DLGAP2: variants seen among roughly 807,000 people sequenced by gnomAD.
DLGAP2 encodes the protein disks large-associated protein 2.
DLGAP2 carries 26 observed loss-of-function variants against 100.3 expected under a neutral mutation model. The observed-to-expected ratio is 0.26, with a 90% CI of 0.19 to 0.36. DLGAP2 has a LOEUF of 0.36. Ranked by LOEUF, DLGAP2 falls within the 10% of genes least tolerant of loss-of-function variation. The pLI, the probability that DLGAP2 is intolerant of heterozygous loss-of-function variation, is 1.00. For missense variants in DLGAP2, 1,858 were observed against 1,453.2 expected (o/e 1.28, Z -4.53); for synonymous variants, 886 against 630.1 (o/e 1.41, Z -6.08).
At chr8:1,124,360 C>G (rs541212857) in intron 2 of DLGAP2, among the ~76,000 whole-genome samples, 21 of 152,320 alleles carry the variant, frequency 1.4e-4, no homozygotes, top group Admixed American at 1.3e-3. Context: ...ACTCCTCTCT[C>G]AGGGACCTCA....
Position 756,068 on chromosome 8 carries a change from C to A in DLGAP2, c.18+18243C>A, listed in dbSNP as rs75146631. 6.8e-3 allele frequency among the ~76,000 whole-genome samples: 1,031 copies of A among 152,178 alleles called. 6 individuals carry two copies. The highest frequency in any genetic ancestry group is 0.024 in the African/African-American group (993 of 41,506). ...GCAGTTAGGGGCCAGGCTGTGAGGG[C>A]CTTTTAGGTCATGTTAGCGGCTTTT... is the stretch of plus-strand genomic sequence containing the variant. On this transcript the variant is annotated intron_variant, in intron 1 of 14. Transcript: ENST00000637795.
chr8:1,309,252 G>C (rs1285821708), intron 3 of DLGAP2, among the ~76,000 whole-genome samples: 1 of 152,100 alleles, frequency 6.6e-6, no homozygotes, highest in Admixed American at 6.5e-5. Context: ...AATCCAAGAA[G>C]CATAATGAAC....
intron 1 of DLGAP2, among the ~76,000 whole-genome samples, chr8:903,495 C>T (rs115436420): frequency 6.6e-6 from 1 of 151,762 alleles, no homozygotes; most frequent in Non-Finnish European, 1.5e-5. Flanking sequence ...CTAGTAACGA[C>T]GGTCACCATC....
At chr8:1,390,984 C>G (rs1026056183) in intron 3 of DLGAP2, among the ~76,000 whole-genome samples, 1 of 152,170 alleles carries the variant, frequency 6.6e-6, no homozygotes, top group African/African-American at 2.4e-5. Flanking sequence ...TCTGTGCTGG[C>G]AGGACGAAGG....
chr8:887,488 T>C (rs1797946049), intron 1 of DLGAP2, among the ~76,000 whole-genome samples: 1 of 152,194 alleles, frequency 6.6e-6, no homozygotes, highest in South Asian at 2.1e-4. Context: ...TATATTTTGG[T>C]GTGTTTTTGC....
chr8:1,145,487 A>G (rs1333377772), intron 2 of DLGAP2, among the ~76,000 whole-genome samples: 3 of 152,140 alleles, frequency 2.0e-5, no homozygotes, highest in African/African-American at 7.2e-5. Context: ...TGCTTCATCC[A>G]TCCATTGCAA....
chr8:1,441,819 A>C (rs1057134228), intron 3 of DLGAP2, among the ~76,000 whole-genome samples: 1 of 151,600 alleles, frequency 6.6e-6, no homozygotes, highest in Non-Finnish European at 1.5e-5. Context: ...ATTTAATTTA[A>C]AGTTCTGGGA....
chr8:967,745 G>C (rs1156525558), intron 2 of DLGAP2, among the ~76,000 whole-genome samples: 1 of 113,718 alleles, frequency 8.8e-6, no homozygotes, highest in Non-Finnish European at 1.8e-5. Context: ...GATCCCAAAA[G>C]TGGTGTTCAA....
chr8:1,127,186 C>T (rs1330666570), intron 2 of DLGAP2, among the ~76,000 whole-genome samples: 1 of 151,296 alleles, frequency 6.6e-6, no homozygotes, highest in African/African-American at 2.4e-5. Context: ...AACGGTCCTT[C>T]TGCTTGTGTT....
At chr8:1,550,084 T>G (rs1054489685) in intron 5 of DLGAP2, among the ~76,000 whole-genome samples, 1 of 152,208 alleles carries the variant, frequency 6.6e-6, no homozygotes, top group African/African-American at 2.4e-5. Context: ...TGAGTTCAGC[T>G]GTTTCAGATG....
intron 10 of DLGAP2, among the ~76,000 whole-genome samples, chr8:1,671,369 G>A (rs887001132): frequency 6.6e-6 from 1 of 152,208 alleles, no homozygotes; most frequent in African/African-American, 2.4e-5. Flanking sequence ...GGACCTTTGG[G>A]CACAGTTTTG....
At chr8:858,908 T>G (rs1353943722) in intron 1 of DLGAP2, among the ~76,000 whole-genome samples, 30 of 152,202 alleles carry the variant, frequency 2.0e-4, no homozygotes, top group Non-Finnish European at 1.5e-5. Flanking sequence ...TATTCGCTCC[T>G]TACAGCAAAT....
At chr8:1,044,162 G>C (rs1198590964) in intron 2 of DLGAP2, among the ~76,000 whole-genome samples, 3 of 152,254 alleles carry the variant, frequency 2.0e-5, no homozygotes, top group Admixed American at 1.3e-4. Flanking sequence ...TTACAGCCTG[G>C]CACAGACTAG....
intron 2 of DLGAP2, among the ~76,000 whole-genome samples, chr8:1,098,861 G>A (rs1166166256): frequency 6.6e-6 from 1 of 152,066 alleles, no homozygotes; most frequent in African/African-American, 2.4e-5. Context: ...CAGGGTCCCG[G>A]TAGGGCCCTT....
chr8:966,380 AT>A (rs779246987), intron 2 of DLGAP2, among the ~76,000 whole-genome samples: 1 of 152,218 alleles, frequency 6.6e-6, no homozygotes, highest in Non-Finnish European at 1.5e-5. Context: ...TTAAAATATC[AT>A]TTAAAAAGAT....
chr8:1,314,883 T>G (rs1800694734), intron 3 of DLGAP2, among the ~76,000 whole-genome samples: 1 of 152,202 alleles, frequency 6.6e-6, no homozygotes. Context: ...CCTAAACCTT[T>G]TTGAAGAAAA....
intron 6 of DLGAP2, among the ~76,000 whole-genome samples, chr8:1,611,112 T>C (rs1487330730): frequency 7.0e-6 from 1 of 142,008 alleles, no homozygotes; most frequent in Non-Finnish European, 1.5e-5. Flanking sequence ...ACCAATATCC[T>C]TGATGAACAT....
intron 2 of DLGAP2, among the ~76,000 whole-genome samples, chr8:1,086,712 A>G (rs1310469568): frequency 6.6e-6 from 1 of 152,236 alleles, no homozygotes; most frequent in Non-Finnish European, 1.5e-5. Context: ...ATATGTAACA[A>G]TGATAAATAT....
At chr8:1,226,230 T>C (rs946798339) in intron 2 of DLGAP2, among the ~76,000 whole-genome samples, 3 of 152,076 alleles carry the variant, frequency 2.0e-5, no homozygotes, top group Non-Finnish European at 4.4e-5. Context: ...TCAACGCAAA[T>C]GTCCATCAAT....
Sources: allele counts gnomAD v4.1 joint callset (sites outside exome capture counted in the v4.1 genomes callset), GRCh38; gene constraint gnomAD v4.1.1; transcripts MANE v1.5; gene names NCBI Gene and HGNC (gene_info 2026-07-23, HGNC 2026-07-21).